The following ZNF280D variants were observed in gnomAD, a reference collection of about 807,000 sequenced individuals.
ZNF280D encodes zinc finger protein 280D.
Under a neutral mutation model 94.7 loss-of-function variants are expected in ZNF280D, and 39 were observed. The ratio of observed to expected loss-of-function variants is 0.41; its 90% CI spans 0.32 to 0.54. ZNF280D has a LOEUF of 0.54. ZNF280D is among the 20% of genes least tolerant of loss of function. The pLI, the probability that ZNF280D is intolerant of heterozygous loss-of-function variation, is 0.22. For synonymous variants in ZNF280D, 398 were observed against 377.6 expected (o/e 1.05, Z -0.63); for missense variants, 1,090 against 1,149.3 (o/e 0.95, Z 0.75).
intron 1 of ZNF280D, among the ~76,000 whole-genome samples, chr15:56,724,469 A>C (rs1428380332): frequency 3.9e-5 from 6 of 152,340 alleles, no homozygotes; most frequent in South Asian, 2.1e-4. Flanking sequence ...TGTAAGGCTC[A>C]CCTGCATTGT....
rs1403550214 is a variant in ZNF280D, at chr15:56,726,683, T to A, written c.-86+6775A>T. Among the ~76,000 whole-genome samples the A allele has an allele frequency of 2.0e-5, 3 of 152,206 alleles. No individual in the cohort carries two copies. The East Asian group carries it at 5.8e-4, about 29-fold the overall frequency. On this transcript the variant is annotated intron_variant, in intron 1 of 21. Coordinates refer to ENST00000267807, the MANE Select transcript of ZNF280D (RefSeq NM_017661.4). ...AAGAATAATACAACAGTGAAATAAA[T>A]CATGACTAATGCATTAGCCTTAATT...
At chr15:56,718,107 T>C (rs1170300128) in intron 1 of ZNF280D, among the ~76,000 whole-genome samples, 1 of 152,106 alleles carries the variant, frequency 6.6e-6, no homozygotes, top group African/African-American at 2.4e-5. Flanking sequence ...AGATTTTTCA[T>C]TATTTCAGTA....
chr15:56,663,910 AAAG>A (rs1475481726), intron 16 of ZNF280D, among the ~76,000 whole-genome samples: 13 of 152,264 alleles, frequency 8.5e-5, no homozygotes, highest in African/African-American at 2.6e-4. Context: ...AAAAAAAGAA[AAAG>A]AAGAAGAAAT....
At position 56,654,400 on chromosome 15, in the gene ZNF280D, C is replaced by G. The variant is rs2053401977; in HGVS notation, c.2161G>C (p.Val721Leu). The stretch of plus-strand genomic sequence containing the variant: ...ATATACGTACCTTTCTGCATTACAA[C>G]TTGGCAAGTATGAGTTTTATGTTGA... ...LSQHKTHTCQVVMQKVSVCIP... is the reference protein window; with the variant it reads ...LSQHKTHTCQLVMQKVSVCIP... Residue 721 changes from valine to leucine, a missense_variant, in exon 18 of 22, where the codon GTT (valine) becomes CTT (leucine). By Grantham distance (32) the Val-to-Leu change is conservative. Coordinates refer to ENST00000267807, the MANE Select transcript of ZNF280D (RefSeq NM_017661.4). 1.9e-6 allele frequency: 3 copies of G among 1,605,540 alleles called. No homozygotes were observed. Among genetic ancestry groups the G allele is most frequent in the Non-Finnish European group, 2.5e-6 (3 of 1,177,886 alleles).
chr15:56,667,183 A>G (rs927348003), intron 14 of ZNF280D, among the ~76,000 whole-genome samples, 197 bp from the exon 15 acceptor site: 9 of 152,196 alleles, frequency 5.9e-5, no homozygotes, highest in Non-Finnish European at 7.3e-5. Context: ...GTAATATTAC[A>G]TTTTTGTATT....
At chr15:56,713,226 A>G (rs1378981275) in intron 1 of ZNF280D, among the ~76,000 whole-genome samples, 1 of 152,248 alleles carries the variant, frequency 6.6e-6, no homozygotes, top group East Asian at 1.9e-4. Flanking sequence ...GATCAACTTA[A>G]TAGATACAAA....
chr15:56,654,584 T>A, intron 17 of ZNF280D, 81 bp from the exon 18 acceptor site: 1 of 1,367,210 alleles, frequency 7.3e-7, no homozygotes, highest in Non-Finnish European at 9.9e-7. Flanking sequence ...TTTCCATAAT[T>A]TGCTTTTTGT....
chr15:56,719,189 G>A (rs1176140972), intron 1 of ZNF280D, among the ~76,000 whole-genome samples: 1 of 152,126 alleles, frequency 6.6e-6, no homozygotes, highest in Non-Finnish European at 1.5e-5. Context: ...ACCTCAGGTT[G>A]AAATTTGATC....
At chr15:56,701,297 A>G (rs2057052624) in intron 4 of ZNF280D, 59 bp from the exon 5 acceptor site, 1 of 1,160,428 alleles carries the variant, frequency 8.6e-7, no homozygotes, top group Non-Finnish European at 1.2e-6. Context: ...ATATTAAGAT[A>G]ATAGAAATCA....
chr15:56,671,248 C>T (rs2054844190), intron 13 of ZNF280D, among the ~76,000 whole-genome samples: 1 of 152,032 alleles, frequency 6.6e-6, no homozygotes, highest in South Asian at 2.1e-4. Flanking sequence ...TTTGCCTTTG[C>T]CTATGCCTAT....
chr15:56,655,173 A>C (rs2053464649), intron 17 of ZNF280D, among the ~76,000 whole-genome samples: 1 of 152,256 alleles, frequency 6.6e-6, no homozygotes, highest in Non-Finnish European at 1.5e-5. Flanking sequence ...TAAAGTAGTT[A>C]ATAAAATACT....
At chr15:56,731,026 G>T (rs2058855894) in intron 1 of ZNF280D, among the ~76,000 whole-genome samples, 2 of 152,124 alleles carry the variant, frequency 1.3e-5, no homozygotes, top group South Asian at 4.1e-4. Context: ...CATACTGCAT[G>T]GCTTATGAAG....
rs140958154 is a variant in ZNF280D, at chr15:56,665,384, G to A, written c.1994+1011C>T. ...TACAAACCCATTCTGAAGGAATAAAGTATTCCCCTAATGAGATCTAAAAAT... is the reference window on the plus strand; with the variant it reads ...TACAAACCCATTCTGAAGGAATAAAATATTCCCCTAATGAGATCTAAAAAT... On this transcript the variant is annotated intron_variant, in intron 16 of 21. Coordinates refer to ENST00000267807, the MANE Select transcript of ZNF280D (RefSeq NM_017661.4). 4.6e-3 allele frequency among the ~76,000 whole-genome samples: 695 copies of A among 152,222 alleles called. 15 individuals are homozygous for A. In the East Asian group the frequency reaches 0.065, roughly 14 times the overall value.
chr15:56,678,555 C>T, intron 11 of ZNF280D, 109 bp downstream of exon 11: 4 of 1,074,684 alleles, frequency 3.7e-6, no homozygotes, highest in South Asian at 2.9e-5. Context: ...CCTCAAATTC[C>T]AAAGTCTAGT....
intron 1 of ZNF280D, among the ~76,000 whole-genome samples, chr15:56,728,003 T>C (rs1236970305): frequency 2.0e-5 from 3 of 152,150 alleles, no homozygotes; most frequent in Non-Finnish European, 4.4e-5. Flanking sequence ...TTTCATCCTT[T>C]ACAAGTGTGT....
Position 56,631,601 on chromosome 15 carries a change from G to C in ZNF280D, c.2837C>G (p.Thr946Ser). 6.2e-7 allele frequency: 1 copy of C among 1,614,082 alleles called. No individual in the cohort carries two copies. The stretch of plus-strand genomic sequence containing the variant: ...TGTTTGATCAGACACTACTTCATCA[G>C]TCTTGGCTGAAGGATCACCACTACC... Reference protein sequence around the residue: ...QKGSGDPSAKTDEVVSDQTDD... With the variant: ...QKGSGDPSAKSDEVVSDQTDD... The change falls in exon 22 of 22, where the codon ACT (threonine) becomes AGT (serine). Residue 946 changes from threonine (T) to serine (S), a missense_variant. Transcript: ENST00000267807.
intron 13 of ZNF280D, among the ~76,000 whole-genome samples, chr15:56,669,652 A>G (rs2054540175): frequency 6.7e-6 from 1 of 148,466 alleles, no homozygotes; most frequent in Non-Finnish European, 1.5e-5. Flanking sequence ...ATGAAGAGGC[A>G]TAAAACAGAA....
chr15:56,654,666 T>C (rs2053422634), intron 17 of ZNF280D, 163 bp from the exon 18 acceptor site: 1 of 666,270 alleles, frequency 1.5e-6, no homozygotes, highest in South Asian at 1.8e-5. Flanking sequence ...CTCTGGTAAA[T>C]GACATAGCCA....
In ZNF280D at chr15:56,689,345, C is replaced by T. The variant is rs563331635; in HGVS notation, c.625G>A (p.Val209Ile). The T allele has an allele frequency of 1.8e-5, 29 of 1,609,090 alleles. No homozygotes were observed. In the East Asian group the frequency reaches 6.5e-4, roughly 36 times the overall value. The change falls in exon 8 of 22, where the codon GTT (valine) becomes ATT (isoleucine). Residue 209 changes from valine (V) to isoleucine (I), a missense_variant. Around this residue, in one of 3 missense-constraint regions of ZNF280D, gnomAD observed 386 missense variants for 372.0 expected, o/e 1.04. Coordinates refer to ENST00000267807, the MANE Select transcript of ZNF280D (RefSeq NM_017661.4). ...GAAGAAGTCACTGAAGGAGATTTAACTGAAGGTAATACAGCTGAGGAATTT... is the reference window on the plus strand; with the variant it reads ...GAAGAAGTCACTGAAGGAGATTTAATTGAAGGTAATACAGCTGAGGAATTT... ...GANSSAVLPS[V>I]KSPSVTSSQA... is the part of the protein sequence containing the mutation.
Sources: allele counts gnomAD v4.1 joint callset (sites outside exome capture counted in the v4.1 genomes callset), GRCh38; gene constraint gnomAD v4.1.1; regional missense constraint gnomAD v4.1.1; transcripts MANE v1.5; gene names NCBI Gene and HGNC (gene_info 2026-07-23, HGNC 2026-07-21).